PCDHGA9: variants seen among roughly 807,000 people sequenced by gnomAD.
PCDHGA9 encodes protocadherin gamma subfamily A, 9.
In PCDHGA9, 37 loss-of-function variants were observed where a neutral mutation model predicts 62.5. The ratio of observed to expected loss-of-function variants is 0.59; its 90% CI spans 0.46 to 0.78. The LOEUF (loss-of-function observed/expected upper bound fraction) is 0.78. Ranked by LOEUF, PCDHGA9 falls within the 30% of genes least tolerant of loss-of-function variation. The pLI is 0.00. For missense variants in PCDHGA9, 1,138 were observed against 1,166.2 expected (o/e 0.98, Z 0.35); for synonymous variants, 459 against 484.6 (o/e 0.95, Z 0.69).
chr5:141,495,069 T>G (rs1179878936), intron 2 of PCDHGA9, among the ~76,000 whole-genome samples: 1 of 152,142 alleles, frequency 6.6e-6, no homozygotes, highest in African/African-American at 2.4e-5. Flanking sequence ...GGAAGCTCAA[T>G]TCACATGCTT....
chr5:141,408,043 A>G, intron 1 of PCDHGA9: 1 of 1,220,238 alleles, frequency 8.2e-7, no homozygotes, highest in Non-Finnish European at 1.1e-6. Context: ...ACCAGCTCCC[A>G]CACAGAGCCT....
At position 141,415,070 on chromosome 5, in the gene PCDHGA9, C is replaced by G. The variant is rs538474552; in HGVS notation, c.2424+9694C>G. ...GGGGAGCACACGGGCGAGGTGCGCACGGCGCGAGCCCTGCTGGACAGAGAC... is the reference window on the plus strand; with the variant it reads ...GGGGAGCACACGGGCGAGGTGCGCAGGGCGCGAGCCCTGCTGGACAGAGAC... On this transcript the variant is annotated intron_variant, in intron 1 of 3. Coordinates refer to ENST00000573521, the MANE Select transcript of PCDHGA9 (RefSeq NM_018921.3). 26 of 1,613,284 alleles carry G rather than the reference C, an allele frequency of 1.6e-5. No homozygotes were observed. The Middle Eastern group carries it at 1.5e-3, about 92-fold the overall frequency.
rs774487660 is a variant in PCDHGA9, at chr5:141,404,806, G to C, written c.1854G>C (p.Ser618=). 6 of 1,613,874 alleles carry C rather than the reference G, an allele frequency of 3.7e-6. No individual in the cohort carries two copies. In the South Asian group the frequency reaches 5.5e-5, roughly 15 times the overall value. The change falls in exon 1 of 4, where the codon TCG becomes TCC. Residue 618 remains serine (S), a synonymous_variant. Transcript: ENST00000573521. ...AGGCCAGTGAGCCAGGGCTCTTCTCGGTGGGGCTGCACACAGGTGAAGTGC... is the reference window on the plus strand; with the variant it reads ...AGGCCAGTGAGCCAGGGCTCTTCTCCGTGGGGCTGCACACAGGTGAAGTGC... ...LFKASEPGLF[S]VGLHTGEVRT...
chr5:141,500,367 C>A (rs953610460), intron 2 of PCDHGA9, among the ~76,000 whole-genome samples: 7 of 151,940 alleles, frequency 4.6e-5, no homozygotes, highest in African/African-American at 1.7e-4. Context: ...CACTACCACG[C>A]CCGGCTAATT....
intron 1 of PCDHGA9, chr5:141,423,202 G>T: frequency 6.2e-7 from 1 of 1,613,618 alleles, no homozygotes; most frequent in Non-Finnish European, 8.5e-7. Flanking sequence ...CTCGGCCACC[G>T]TCACGCTCAC....
At chr5:141,421,921 G>T in intron 1 of PCDHGA9, 1 of 1,613,644 alleles carries the variant, frequency 6.2e-7, no homozygotes, top group Non-Finnish European at 8.5e-7. Context: ...CATTCGTGTG[G>T]TGGTCCTCGA....
intron 1 of PCDHGA9, among the ~76,000 whole-genome samples, chr5:141,469,186 G>T (rs536021769): frequency 6.6e-6 from 1 of 151,978 alleles, no homozygotes; most frequent in Admixed American, 6.6e-5. Flanking sequence ...TGAGGCAAGA[G>T]GATTGCTTGA....
At position 141,431,423 on chromosome 5, in the gene PCDHGA9, C is replaced by T; in HGVS notation, c.2424+26047C>T. The T allele has an allele frequency of 3.1e-6, 5 of 1,613,670 alleles. No individual in the cohort carries two copies. Among genetic ancestry groups the T allele is most frequent in the Non-Finnish European group, 4.2e-6 (5 of 1,180,030 alleles). ...GGCCTCCGACGGGGGCGACCCGGTG[C>T]GCACAGGCACCGCGCGCATCCGCGT... On this transcript the variant is annotated intron_variant, in intron 1 of 3. Coordinates refer to ENST00000573521, the MANE Select transcript of PCDHGA9 (RefSeq NM_018921.3). This position sits in a 1 kb window ranked among gnomAD's most constrained non-coding sequence, Gnocchi z 4.8.
At chr5:141,437,205 A>G (rs1561884114) in intron 1 of PCDHGA9, among the ~76,000 whole-genome samples, 1 of 152,202 alleles carries the variant, frequency 6.6e-6, no homozygotes, top group African/African-American at 2.4e-5. Context: ...ATGTGTTTAC[A>G]TTTATTCTGA....
chr5:141,454,798 T>A (rs866302149), intron 1 of PCDHGA9, among the ~76,000 whole-genome samples: 2 of 58,950 alleles, frequency 3.4e-5, no homozygotes, highest in Non-Finnish European at 6.4e-5. Context: ...TGGTTCTAAT[T>A]TTTTTTTTTT....
chr5:141,508,139 G>C (rs1243018384), intron 3 of PCDHGA9: 1 of 152,514 alleles, frequency 6.6e-6, no homozygotes, highest in African/African-American at 2.4e-5. Flanking sequence ...CAGGGAGCTG[G>C]GGGCTGAGTT....
Position 141,423,156 on chromosome 5 carries a change from CGTG to C in PCDHGA9, c.2424+17785_2424+17787del, listed in dbSNP as rs776903094. On this transcript the variant is annotated intron_variant, in intron 1 of 3. Coordinates refer to ENST00000573521, the MANE Select transcript of PCDHGA9 (RefSeq NM_018921.3). ...ACAGAGACGCGCTCAAGCAGAGCCT[CGTG>C]GTGGCCGTCCAGGACCACGGCCAGC... 8.2e-4 allele frequency: 1,328 copies of C among 1,613,396 alleles called. 15 individuals are homozygous for C. Among genetic ancestry groups the C allele is most frequent in the Admixed American group, 9.5e-4 (57 of 60,016 alleles).
intron 1 of PCDHGA9, among the ~76,000 whole-genome samples, chr5:141,450,572 T>A (rs1276283357): frequency 6.6e-6 from 1 of 151,710 alleles, no homozygotes; most frequent in African/African-American, 2.4e-5. Flanking sequence ...CTGCAACTTC[T>A]GCCTCCCAGG....
intron 1 of PCDHGA9, chr5:141,419,253 A>C (rs1590154657): frequency 6.2e-7 from 1 of 1,613,990 alleles, no homozygotes; most frequent in South Asian, 1.1e-5. Context: ...CCAGAAAACA[A>C]CCAGCCGGGT....
intron 1 of PCDHGA9, among the ~76,000 whole-genome samples, chr5:141,445,264 G>A (rs566395616): frequency 1.4e-4 from 22 of 152,276 alleles, no homozygotes; most frequent in Admixed American, 1.4e-3. Flanking sequence ...AATATAAGTC[G>A]AAACCACTCT....
chr5:141,466,928 T>TTAG (rs1231908662), intron 1 of PCDHGA9, among the ~76,000 whole-genome samples: 1 of 152,220 alleles, frequency 6.6e-6, no homozygotes, highest in Non-Finnish European at 1.5e-5. Context: ...ATTAGGAATA[T>TTAG]TAGTCCTTTG....
intron 1 of PCDHGA9, chr5:141,419,512 G>T (rs754877872): frequency 3.7e-6 from 6 of 1,612,296 alleles, no homozygotes; most frequent in South Asian, 1.1e-5. Context: ...TGCGCGTGTT[G>T]GTGGGCGACC....
chr5:141,471,972 T>C (rs952480654), intron 1 of PCDHGA9, among the ~76,000 whole-genome samples: 1 of 152,212 alleles, frequency 6.6e-6, no homozygotes, highest in South Asian at 2.1e-4. Context: ...GTTGCATTAC[T>C]GTATAAATTT....
chr5:141,504,645 T>C (rs1481469819), intron 2 of PCDHGA9, among the ~76,000 whole-genome samples: 2 of 112,538 alleles, frequency 1.8e-5, no homozygotes, highest in Non-Finnish European at 3.4e-5. Context: ...GGTTTGATGA[T>C]AGAGTGTTTG....
Sources: allele counts gnomAD v4.1 joint callset (sites outside exome capture counted in the v4.1 genomes callset), GRCh38; gene constraint gnomAD v4.1.1; non-coding constraint Gnocchi (gnomAD v3.1); transcripts MANE v1.5; gene names NCBI Gene and HGNC (gene_info 2026-07-23, HGNC 2026-07-21).